CSMD1: variants seen among roughly 807,000 people sequenced by gnomAD.
CSMD1 encodes CUB and sushi domain-containing protein 1.
In CSMD1, 213 loss-of-function variants were observed where a neutral mutation model predicts 417.5. The observed-to-expected ratio is 0.51, with a 90% CI of 0.46 to 0.57. The LOEUF is 0.57. Among genes scored for constraint, CSMD1 ranks in the 20% least tolerant of loss-of-function variants. CSMD1 has a pLI of 0.00. For missense variants in CSMD1, 6,923 were observed against 4,529.7 expected (o/e 1.53, Z -15.17); for synonymous variants, 2,862 against 1,736.8 (o/e 1.65, Z -16.11).
intron 2 of CSMD1, among the ~76,000 whole-genome samples, chr8:4,609,418 G>A (rs375525946): frequency 3.9e-4 from 60 of 152,162 alleles, no homozygotes; most frequent in African/African-American, 1.4e-3. Flanking sequence ...CAAAAGAGAT[G>A]AAAGCTGATG....
At chr8:3,162,752 ATC>A (rs765171995) in intron 37 of CSMD1, among the ~76,000 whole-genome samples, 4 of 151,890 alleles carry the variant, frequency 2.6e-5, no homozygotes, top group African/African-American at 4.8e-5. Context: ...TTTACATTCA[ATC>A]TCTCTCTCTC....
intron 1 of CSMD1, among the ~76,000 whole-genome samples, chr8:4,741,886 T>C (rs1283270149): frequency 6.6e-6 from 1 of 151,384 alleles, no homozygotes; most frequent in Admixed American, 6.6e-5. Context: ...CAGGCTGGAG[T>C]ACAGTAGCAT....
chr8:3,042,228 T>C (rs1446719802), intron 50 of CSMD1, among the ~76,000 whole-genome samples: 1 of 152,054 alleles, frequency 6.6e-6, no homozygotes, highest in African/African-American at 2.4e-5. Context: ...CAAACAGCCT[T>C]GGAAGAGAGA....
At chr8:3,239,958 C>T (rs1198428690) in intron 26 of CSMD1, among the ~76,000 whole-genome samples, 1 of 151,356 alleles carries the variant, frequency 6.6e-6, no homozygotes, top group Non-Finnish European at 1.5e-5. Flanking sequence ...GCTGAAGGAG[C>T]CGGGGAGCAG....
chr8:3,599,667 G>C (rs1441565952), intron 8 of CSMD1, among the ~76,000 whole-genome samples: 1 of 152,146 alleles, frequency 6.6e-6, no homozygotes, highest in South Asian at 2.1e-4. Flanking sequence ...GCAGCTTTAT[G>C]CCTTTAACAA....
chr8:3,447,346 C>G (rs1815367616), intron 12 of CSMD1, among the ~76,000 whole-genome samples: 1 of 151,118 alleles, frequency 6.6e-6, no homozygotes, highest in African/African-American at 2.4e-5. Flanking sequence ...GTAACTGAGT[C>G]TCAGAAAAAG....
In CSMD1 at chr8:4,369,700, G is replaced by T. The variant is rs114067575; in HGVS notation, c.415+50253C>A. Among the ~76,000 whole-genome samples, 734 of 152,198 alleles carry T rather than the reference G, an allele frequency of 4.8e-3. 7 individuals are homozygous for T. Among genetic ancestry groups the T allele is most frequent in the African/African-American group, 0.016 (675 of 41,552 alleles). On this transcript the variant is annotated intron_variant, in intron 3 of 69. Transcript: ENST00000635120. Reference sequence around the variant, plus strand: ...CCCTTTATCATTACGTAATGCCCTTGTCTTTTTTTATTGTTGTTGGTTTAA... The same window carrying T: ...CCCTTTATCATTACGTAATGCCCTTTTCTTTTTTTATTGTTGTTGGTTTAA...
At chr8:4,137,138 A>C (rs772488991) in intron 3 of CSMD1, among the ~76,000 whole-genome samples, 13 of 152,226 alleles carry the variant, frequency 8.5e-5, no homozygotes, top group African/African-American at 2.4e-4. Flanking sequence ...TAAGCCATTC[A>C]TAACAGATGC....
At chr8:3,547,283 C>G (rs1357230484) in intron 10 of CSMD1, among the ~76,000 whole-genome samples, 1 of 152,218 alleles carries the variant, frequency 6.6e-6, no homozygotes, top group Non-Finnish European at 1.5e-5. Context: ...GAAAGTCATA[C>G]TCGACAAGAA....
intron 1 of CSMD1, among the ~76,000 whole-genome samples, chr8:4,749,060 G>T (rs1425482750): frequency 6.6e-6 from 1 of 151,842 alleles, no homozygotes; most frequent in African/African-American, 2.4e-5. Context: ...GTGTGCGTGT[G>T]TGTGTGTGTG....
At chr8:3,004,972 C>G (rs1177582565) in intron 52 of CSMD1, among the ~76,000 whole-genome samples, 1 of 152,144 alleles carries the variant, frequency 6.6e-6, no homozygotes, top group African/African-American at 2.4e-5. Flanking sequence ...AAGCCCATCT[C>G]TACTAAAAAT....
intron 10 of CSMD1, among the ~76,000 whole-genome samples, chr8:3,527,374 T>A (rs1192880979): frequency 5.9e-5 from 9 of 152,132 alleles, no homozygotes; most frequent in African/African-American, 2.2e-4. Context: ...AGTGTATGAT[T>A]TCGTTTGTAT....
chr8:2,975,759 G>C (rs1383422036), intron 55 of CSMD1, among the ~76,000 whole-genome samples: 1 of 152,158 alleles, frequency 6.6e-6, no homozygotes, highest in Non-Finnish European at 1.5e-5. Flanking sequence ...AGCTGCTCTA[G>C]AGCATGGAAA....
At chr8:3,690,135 G>T (rs968016399) in intron 7 of CSMD1, among the ~76,000 whole-genome samples, 1 of 152,190 alleles carries the variant, frequency 6.6e-6, no homozygotes. Context: ...GAGACCGGAG[G>T]ATCACTTAAG....
intron 3 of CSMD1, among the ~76,000 whole-genome samples, chr8:4,079,666 G>A (rs533714483): frequency 2.0e-5 from 3 of 152,134 alleles, no homozygotes; most frequent in African/African-American, 7.2e-5. Context: ...GCGTTCTTGT[G>A]GGTTCACATT....
intron 26 of CSMD1, among the ~76,000 whole-genome samples, chr8:3,253,406 A>G (rs1800416951): frequency 6.6e-6 from 1 of 151,882 alleles, no homozygotes; most frequent in African/African-American, 2.4e-5. Context: ...GTTTGTTATA[A>G]TTTCTGTTCT....
chr8:3,368,712 T>C (rs1039487564), intron 19 of CSMD1, among the ~76,000 whole-genome samples: 43 of 152,198 alleles, frequency 2.8e-4, no homozygotes, highest in African/African-American at 1.0e-3. Context: ...TCCCAGTGTT[T>C]ATAATCTACA....
intron 1 of CSMD1, among the ~76,000 whole-genome samples, chr8:4,916,091 G>GA (rs1360780100): frequency 6.6e-6 from 1 of 152,234 alleles, no homozygotes; most frequent in Non-Finnish European, 1.5e-5. Context: ...TCATATGCCA[G>GA]AAAGACAGGT....
intron 10 of CSMD1, among the ~76,000 whole-genome samples, chr8:3,521,504 G>A (rs1318400062): frequency 6.6e-6 from 1 of 152,098 alleles, no homozygotes; most frequent in Non-Finnish European, 1.5e-5. Flanking sequence ...GCCGGTCCCT[G>A]TATTACAATG....
Sources: gnomAD v4.1 joint callset for allele counts (sites outside exome capture counted in the v4.1 genomes callset) on GRCh38, gnomAD v4.1.1 for gene constraint, MANE v1.5 for transcripts, NCBI Gene and HGNC (gene_info 2026-07-23, HGNC 2026-07-21) for gene names.